The following SUPT5H variants were observed in gnomAD, a reference collection of about 807,000 sequenced individuals.
SUPT5H encodes SPT5 homolog, DSIF elongation factor subunit.
A neutral mutation model predicts 142.5 loss-of-function variants in SUPT5H; 24 were observed. The ratio of observed to expected loss-of-function variants is 0.17; its 90% CI spans 0.12 to 0.24. The LOEUF (loss-of-function observed/expected upper bound fraction) is 0.24, where lower values mean the gene tolerates loss of function less well. Ranked by LOEUF, SUPT5H falls within the 10% of genes least tolerant of loss-of-function variation. The pLI is 1.00. For missense variants in SUPT5H, 893 were observed against 1,471.8 expected (o/e 0.61, Z 6.43); for synonymous variants, 546 against 553.0 (o/e 0.99, Z 0.18).
chr19:39,448,207 T>C (rs28528765), intron 2 of SUPT5H, among the ~76,000 whole-genome samples: 91,082 of 152,072 alleles, frequency 0.6, 28,075 homozygotes, highest in African/African-American at 0.74. Context: ...GTTTGGTAGA[T>C]GGAGAGTGCT....
rs755040888 is a variant in SUPT5H, at chr19:39,474,140, G to A, written c.2651+19G>A. On this transcript the variant is annotated intron_variant, in intron 26 of 29. Coordinates refer to ENST00000432763, the MANE Select transcript of SUPT5H (RefSeq NM_001111020.3). The surrounding 1 kb of genome is among the most constrained non-coding windows in gnomAD (Gnocchi z 6.5). The stretch of plus-strand genomic sequence containing the variant: ...CGGCCATGTGAGTCCACTGGGGCCT[G>A]CCCTCGTCTACCCCTGCCCAAACCC... 5 of 1,603,630 alleles carry A rather than the reference G, an allele frequency of 3.1e-6. 1 individual carries two copies. In the Admixed American group the frequency reaches 6.7e-5, roughly 22 times the overall value.
Position 39,464,422 on chromosome 19 carries a change from C to T in SUPT5H, c.625-376C>T, listed in dbSNP as rs545971013. Among the ~76,000 whole-genome samples the T allele has an allele frequency of 2.0e-5, 3 of 152,182 alleles. No individual in the cohort carries two copies. The East Asian group carries it at 5.8e-4, about 29-fold the overall frequency. On this transcript the variant is annotated intron_variant, in intron 10 of 29. Coordinates refer to ENST00000432763, the MANE Select transcript of SUPT5H (RefSeq NM_001111020.3). Reference sequence around the variant, plus strand: ...TTGCCCAGGCTGGAGTGCAGTGGTGCGATCTCAGCTCACTGCAGCCTCAAC... The same window carrying T: ...TTGCCCAGGCTGGAGTGCAGTGGTGTGATCTCAGCTCACTGCAGCCTCAAC...
chr19:39,466,374 C>T lies in SUPT5H; in HGVS notation c.877-106C>T. The T allele has an allele frequency of 1.9e-6, 2 of 1,071,854 alleles. No individual in the cohort carries two copies. Among genetic ancestry groups the T allele is most frequent in the Non-Finnish European group, 2.8e-6 (2 of 709,984 alleles). 66.4% of individuals were successfully genotyped at this position (1,071,854 alleles called of 1,614,324 possible). A position where few individuals can be genotyped will look rare whatever the true frequency, so the allele number is the denominator to read the frequency against. On this transcript the variant is annotated intron_variant, in intron 11 of 29. Coordinates refer to ENST00000432763, the MANE Select transcript of SUPT5H (RefSeq NM_001111020.3). This position sits in a 1 kb window ranked among gnomAD's most constrained non-coding sequence, Gnocchi z 4.3. The stretch of plus-strand genomic sequence containing the variant: ...AGTGGTCAGCAGCCTGGTTTCTTCC[C>T]CACCATCCTGCGTCCCTTCTCCTTC...
chr19:39,455,430 C>T (rs1017480203), intron 3 of SUPT5H, among the ~76,000 whole-genome samples: 7 of 151,522 alleles, frequency 4.6e-5, no homozygotes, highest in East Asian at 2.0e-4. Flanking sequence ...GGCGTGGTGG[C>T]GGGCGCCTGT....
intron 10 of SUPT5H, 59 bp from the exon 11 acceptor site, chr19:39,464,739 A>G (rs1304868861): frequency 1.1e-5 from 17 of 1,536,262 alleles, no homozygotes; most frequent in Non-Finnish European, 1.5e-5. Context: ...AGTGGCAGTC[A>G]TTTCTGTTAT....
chr19:39,455,749 A>G (rs987732607), intron 3 of SUPT5H, among the ~76,000 whole-genome samples: 1 of 149,492 alleles, frequency 6.7e-6, no homozygotes, highest in Admixed American at 6.7e-5. Context: ...CAGCTTCCCG[A>G]GTAGCTGGGA....
At chr19:39,453,610 G>T in intron 3 of SUPT5H, 89 bp downstream of exon 3, 2 of 1,396,640 alleles carry the variant, frequency 1.4e-6, no homozygotes, top group African/African-American at 1.5e-5. Context: ...GCGGAGTCTC[G>T]CTCTGTCGCC....
chr19:39,467,548 CTCCTT>C (rs1307554015), intron 13 of SUPT5H: 1 of 152,208 alleles, frequency 6.6e-6, no homozygotes, highest in African/African-American at 2.4e-5. Context: ...TTTAGAAAGT[CTCCTT>C]TCCTGATCTG....
In SUPT5H at chr19:39,448,107, A is replaced by G. The variant is rs1266744172; in HGVS notation, c.75+2142A>G. ...CAGCTGGGAATTTTCTCCAGTTCCC[A>G]GGATATGTTAGTTGCCATTTGTCCT... On this transcript the variant is annotated intron_variant, in intron 2 of 29. Coordinates refer to ENST00000432763, the MANE Select transcript of SUPT5H (RefSeq NM_001111020.3). Among the ~76,000 whole-genome samples the G allele has an allele frequency of 2.0e-5, 3 of 152,310 alleles. 1 individual carries two copies. In the South Asian group the frequency reaches 6.2e-4, roughly 32 times the overall value.
At chr19:39,462,570 G>T (rs1175129588) in intron 10 of SUPT5H, among the ~76,000 whole-genome samples, 1 of 150,932 alleles carries the variant, frequency 6.6e-6, no homozygotes, top group African/African-American at 2.4e-5. Context: ...TACTCTTCTT[G>T]CCCAGGCTAG....
intron 3 of SUPT5H, among the ~76,000 whole-genome samples, chr19:39,455,773 C>T (rs1018765646): frequency 6.6e-6 from 1 of 150,948 alleles, no homozygotes; most frequent in Non-Finnish European, 1.5e-5. Flanking sequence ...CAGGTGCCTG[C>T]CACTACGCCC....
chr19:39,446,823 A>G (rs1216927296), intron 2 of SUPT5H, among the ~76,000 whole-genome samples: 1 of 152,222 alleles, frequency 6.6e-6, no homozygotes, highest in Non-Finnish European at 1.5e-5. Flanking sequence ...CCTGGTCAAC[A>G]TGGTGAAACA....
At position 39,459,980 on chromosome 19, in the gene SUPT5H, G is replaced by A. The variant is rs372419913; in HGVS notation, c.624+20G>A. The A allele has an allele frequency of 4.3e-6, 7 of 1,613,360 alleles. No individual in the cohort carries two copies. Among genetic ancestry groups the A allele is most frequent in the East Asian group, 2.2e-5 (1 of 44,888 alleles). Reference sequence around the variant, plus strand: ...GACACGGTAAGTCGGGTAGACAGGCGGCTTGGTGGGGAGACATGGCAACAC... The same window carrying A: ...GACACGGTAAGTCGGGTAGACAGGCAGCTTGGTGGGGAGACATGGCAACAC... On this transcript the variant is annotated intron_variant, in intron 10 of 29. Coordinates refer to ENST00000432763, the MANE Select transcript of SUPT5H (RefSeq NM_001111020.3).
intron 2 of SUPT5H, among the ~76,000 whole-genome samples, chr19:39,452,685 A>G (rs1042368509): frequency 1.3e-5 from 2 of 152,078 alleles, no homozygotes; most frequent in African/African-American, 4.8e-5. Flanking sequence ...CCGCCAAGGG[A>G]GAGGACGAGA....
chr19:39,476,424 T>A lies in SUPT5H; in HGVS notation c.*25T>A, dbSNP rs749195867. The A allele has an allele frequency of 6.8e-6, 11 of 1,613,278 alleles. No individual in the cohort carries two copies. Among genetic ancestry groups the A allele is most frequent in the Non-Finnish European group, 9.3e-6 (11 of 1,179,938 alleles). On this transcript the variant is annotated 3_prime_UTR_variant, in exon 30 of 30. Transcript: ENST00000432763. ...AAGCAGGCAGGGCCGGTGGACTTCG[T>A]CGGATGAAGAGTGATCCTCCTTCCT...
At chr19:39,447,412 G>A (rs1319491193) in intron 2 of SUPT5H, among the ~76,000 whole-genome samples, 1 of 151,224 alleles carries the variant, frequency 6.6e-6, no homozygotes, top group Non-Finnish European at 1.5e-5. Context: ...ATTTCCTGGG[G>A]CATTTCTGAT....
rs539051733 is a variant in SUPT5H at position 39,470,282 on chromosome 19, G to A, written c.1530+8G>A. On this transcript the variant is annotated splice_region_variant and intron_variant, in intron 17 of 29. Coordinates refer to ENST00000432763, the MANE Select transcript of SUPT5H (RefSeq NM_001111020.3). This position sits in a 1 kb window ranked among gnomAD's most constrained non-coding sequence, Gnocchi z 5.8. ...GACCTCACCATGCATGAGGTAGGTGGATAGAAGGGTCGGGGAAGGGTGCAC... is the reference window on the plus strand; with the variant it reads ...GACCTCACCATGCATGAGGTAGGTGAATAGAAGGGTCGGGGAAGGGTGCAC... The A allele has an allele frequency of 6.9e-5, 108 of 1,561,524 alleles. No homozygotes were observed. In the South Asian group the frequency reaches 1.0e-3, roughly 15 times the overall value.
At chr19:39,453,560 A>G in intron 3 of SUPT5H, 39 bp downstream of exon 3, 1 of 1,455,150 alleles carries the variant, frequency 6.9e-7, no homozygotes, top group Non-Finnish European at 9.1e-7. Flanking sequence ...GCAGAGGCTG[A>G]GCTTCTACTT....
chr19:39,448,015 GCACCCTGGGACAC>G lies in SUPT5H; in HGVS notation c.75+2051_75+2063del, dbSNP rs540790650. ...TTTTCTGGGGAAATGGAAGGAGCTG[GCACCCTGGGACAC>G]AGAGTTGTTCTGCAGAGCAGCCGTT... On this transcript the variant is annotated intron_variant, in intron 2 of 29. Coordinates refer to ENST00000432763, the MANE Select transcript of SUPT5H (RefSeq NM_001111020.3). 3.6e-4 allele frequency among the ~76,000 whole-genome samples: 55 copies of G among 152,312 alleles called. 1 individual carries two copies. In the South Asian group the frequency reaches 0.011, roughly 30 times the overall value.
Sources: gnomAD v4.1 joint callset for allele counts (sites outside exome capture counted in the v4.1 genomes callset) on GRCh38, gnomAD v4.1.1 for gene constraint, Gnocchi (gnomAD v3.1) non-coding constraint, MANE v1.5 for transcripts, NCBI Gene and HGNC (gene_info 2026-07-23, HGNC 2026-07-21) for gene names.